The following AFG1L variants were observed in gnomAD, a reference collection of about 807,000 sequenced individuals.
AFG1L encodes the protein AFG1-like ATPase.
AFG1L carries 53 observed loss-of-function variants against 62.2 expected under a neutral mutation model. The observed-to-expected ratio is 0.85, with a 90% confidence interval of 0.68 to 1.07. The LOEUF (loss-of-function observed/expected upper bound fraction) is 1.07. Among genes scored for constraint, AFG1L ranks in the 50% least tolerant of loss-of-function variants. The pLI is 0.00. For missense variants in AFG1L, 555 were observed against 590.5 expected (o/e 0.94, Z 0.62); for synonymous variants, 228 against 210.3 (o/e 1.08, Z -0.73).
At chr6:108,352,850 G>T (rs976736055) in intron 3 of AFG1L, among the ~76,000 whole-genome samples, 2 of 152,056 alleles carry the variant, frequency 1.3e-5, no homozygotes, top group Non-Finnish European at 2.9e-5. Flanking sequence ...ATAGGTGTGA[G>T]CCACTCCACC....
intron 3 of AFG1L, among the ~76,000 whole-genome samples, chr6:108,353,835 C>G (rs1209927127): frequency 3.3e-5 from 5 of 152,164 alleles, no homozygotes; most frequent in African/African-American, 1.2e-4. Context: ...GAATGACTTT[C>G]CATCAAAGTG....
chr6:108,522,061 G>T, intron 12 of AFG1L: 1 of 302,412 alleles, frequency 3.3e-6, no homozygotes. Flanking sequence ...GTACACTTTT[G>T]GAGAAAGTTT....
rs189673984 is a variant in AFG1L at position 108,433,373 on chromosome 6, G to A, written c.808-13841G>A. 2.3e-3 allele frequency among the ~76,000 whole-genome samples: 326 copies of A among 143,014 alleles called. 1 individual carries two copies. Among genetic ancestry groups the A allele is most frequent in the African/African-American group, 8.1e-3 (312 of 38,448 alleles). 93.8% of individuals were successfully genotyped at this position (143,014 alleles called of 152,430 possible). The stretch of plus-strand genomic sequence containing the variant: ...CAGCTCATTGCAACCTCCGCCTCCC[G>A]GGTTCAGCCAATTCTCCTGCCTCAG... On this transcript the variant is annotated intron_variant, in intron 7 of 12. Transcript: ENST00000368977.
chr6:108,340,938 A>C (rs1263612826), intron 2 of AFG1L, among the ~76,000 whole-genome samples: 1 of 152,118 alleles, frequency 6.6e-6, no homozygotes, highest in African/African-American at 2.4e-5. Flanking sequence ...GAAAGTGATG[A>C]GTGAAATGTA....
chr6:108,399,174 GTTTGTTTTTTTTTTTTTTTT>G (rs1781445853), intron 6 of AFG1L, among the ~76,000 whole-genome samples: 1 of 51,414 alleles, frequency 1.9e-5, no homozygotes, highest in Non-Finnish European at 3.7e-5. Flanking sequence ...CACTTCTTTT[GTTTGTTTTTTTTTTTTTTTT>G]TTTTTTTTTT....
At chr6:108,322,880 A>G (rs1490351628) in intron 1 of AFG1L, among the ~76,000 whole-genome samples, 1 of 152,166 alleles carries the variant, frequency 6.6e-6, no homozygotes, top group East Asian at 1.9e-4. Flanking sequence ...CACATAAGGA[A>G]TGGAATTATG....
rs1554198366 is a variant in AFG1L at position 108,441,710 on chromosome 6, A to ATATATATATATAT, written c.808-5504_808-5503insTATATATATATAT. ...AAATCTGAGGTTTATTTAAAAAAAAAAAATATATATATATATATATAAACT... is the reference window on the plus strand; with the variant it reads ...AAATCTGAGGTTTATTTAAAAAAAAATATATATATATATAAATATATATATATATATATAAACT... On this transcript the variant is annotated intron_variant, in intron 7 of 12. Coordinates refer to ENST00000368977, the MANE Select transcript of AFG1L (RefSeq NM_145315.5). Among the ~76,000 whole-genome samples the ATATATATATATAT allele has an allele frequency of 3.0e-4, 35 of 117,520 alleles. No individual in the cohort carries two copies. In the South Asian group the frequency reaches 9.0e-3, roughly 30 times the overall value. The allele number at this position is 117,520 out of a possible 152,430, so 77.1% of individuals were successfully genotyped here. A position where few individuals can be genotyped will look rare whatever the true frequency, so the allele number is the denominator to read the frequency against.
intron 6 of AFG1L, among the ~76,000 whole-genome samples, chr6:108,400,654 TAA>T (rs1491420455): frequency 8.4e-6 from 1 of 118,816 alleles, no homozygotes; most frequent in African/African-American, 3.5e-5. Context: ...AATTTATGTA[TAA>T]TATATATAAT....
At chr6:108,487,484 A>G (rs998789128) in intron 10 of AFG1L, among the ~76,000 whole-genome samples, 1 of 152,260 alleles carries the variant, frequency 6.6e-6, no homozygotes, top group Non-Finnish European at 1.5e-5. Context: ...TGATGTGATC[A>G]GCACATTTCT....
chr6:108,475,031 T>G (rs955287465), intron 8 of AFG1L, among the ~76,000 whole-genome samples: 5 of 152,226 alleles, frequency 3.3e-5, no homozygotes, highest in African/African-American at 1.2e-4. Flanking sequence ...GGTTTTACAT[T>G]TAAGCCTTTA....
At chr6:108,448,679 A>T (rs926184204) in intron 8 of AFG1L, among the ~76,000 whole-genome samples, 1 of 152,084 alleles carries the variant, frequency 6.6e-6, no homozygotes, top group East Asian at 1.9e-4. Context: ...TCTCTGACTT[A>T]CCCTGTGTTA....
chr6:108,473,306 T>TA (rs1772977436), intron 8 of AFG1L, among the ~76,000 whole-genome samples: 1 of 152,148 alleles, frequency 6.6e-6, no homozygotes, highest in Non-Finnish European at 1.5e-5. Context: ...GATAATATAG[T>TA]ATATACGAGA....
intron 7 of AFG1L, among the ~76,000 whole-genome samples, chr6:108,413,012 A>G (rs763005266): frequency 9.9e-5 from 15 of 152,210 alleles, no homozygotes; most frequent in Non-Finnish European, 1.5e-4. Context: ...TGTTGTATTC[A>G]GGAAACCCAT....
intron 10 of AFG1L, 26 bp downstream of exon 10, chr6:108,477,318 C>T (rs202231820): frequency 2.2e-6 from 3 of 1,391,410 alleles, no homozygotes; most frequent in Admixed American, 4.3e-5. Flanking sequence ...CGTCCAGACT[C>T]ACTGGCCTTT....
At chr6:108,345,065 C>T (rs1267260732) in intron 2 of AFG1L, among the ~76,000 whole-genome samples, 1 of 151,944 alleles carries the variant, frequency 6.6e-6, no homozygotes, top group Non-Finnish European at 1.5e-5. Flanking sequence ...TTGTTCATAC[C>T]CTGAATTTAT....
chr6:108,504,116 T>C (rs1047894052), intron 10 of AFG1L, among the ~76,000 whole-genome samples: 13 of 152,260 alleles, frequency 8.5e-5, no homozygotes, highest in Non-Finnish European at 1.6e-4. Context: ...TACTTTCTTA[T>C]AGTTTGTGTG....
chr6:108,440,076 CT>C (rs750715782), intron 7 of AFG1L, among the ~76,000 whole-genome samples: 1 of 152,106 alleles, frequency 6.6e-6, no homozygotes, highest in South Asian at 2.1e-4. Flanking sequence ...TATAAACAAA[CT>C]TTTTTCTGAG....
intron 5 of AFG1L, among the ~76,000 whole-genome samples, chr6:108,361,119 C>T (rs1404898880): frequency 2.0e-5 from 3 of 152,200 alleles, no homozygotes; most frequent in Non-Finnish European, 4.4e-5. Flanking sequence ...GTTGTCTGAC[C>T]CATGACCAGG....
At chr6:108,349,985 G>T (rs1031064066) in intron 3 of AFG1L, among the ~76,000 whole-genome samples, 2 of 151,726 alleles carry the variant, frequency 1.3e-5, no homozygotes, top group Admixed American at 6.6e-5. Flanking sequence ...CAACTTTGGG[G>T]GGCTGAGGGG....
Sources: gnomAD v4.1 joint callset for allele counts (sites outside exome capture counted in the v4.1 genomes callset) on GRCh38, gnomAD v4.1.1 for gene constraint, MANE v1.5 for transcripts, NCBI Gene and HGNC (gene_info 2026-07-23, HGNC 2026-07-21) for gene names.